The following SHISA9 variants were observed in gnomAD, a reference collection of about 807,000 sequenced individuals.
SHISA9 encodes the protein protein shisa-9.
In SHISA9, 13 loss-of-function variants were observed where a neutral mutation model predicts 38.0. The observed-to-expected ratio is 0.34, with a 90% CI of 0.22 to 0.54. The LOEUF (loss-of-function observed/expected upper bound fraction) is 0.54, where lower values mean the gene tolerates loss of function less well. SHISA9 is among the 20% of genes least tolerant of loss of function. The pLI is 0.91. For synonymous variants in SHISA9, 275 were observed against 242.0 expected (o/e 1.14, Z -1.27); for missense variants, 538 against 575.8 (o/e 0.93, Z 0.67).
At chr16:13,181,479 A>G (rs971490333) in intron 2 of SHISA9, among the ~76,000 whole-genome samples, 2 of 151,866 alleles carry the variant, frequency 1.3e-5, no homozygotes, top group African/African-American at 4.8e-5. Context: ...GCTGGGGGAT[A>G]GAGATCAATG....
chr16:13,157,304 A>C (rs1355511047), intron 2 of SHISA9, among the ~76,000 whole-genome samples: 3 of 152,192 alleles, frequency 2.0e-5, no homozygotes, highest in Admixed American at 6.5e-5. Flanking sequence ...GCTTCGCACT[A>C]ATATATGTGA....
At chr16:13,124,142 A>T (rs2050237005) in intron 2 of SHISA9, among the ~76,000 whole-genome samples, 1 of 152,186 alleles carries the variant, frequency 6.6e-6, no homozygotes, top group African/African-American at 2.4e-5. Context: ...TATTAATAGA[A>T]ACTGTGTTCC....
At chr16:13,075,317 G>A (rs1421424513) in intron 2 of SHISA9, among the ~76,000 whole-genome samples, 6 of 152,178 alleles carry the variant, frequency 3.9e-5, no homozygotes, top group Non-Finnish European at 2.9e-5. Context: ...GTGATCTCTA[G>A]CACCTGGTGT....
chr16:13,562,899 A>C, the SHISA9 span: 3 of 152,094 alleles, frequency 2.0e-5, no homozygotes, highest in African/African-American at 7.2e-5. Context: ...GAAACCAAAA[A>C]ATAAAAATTA....
the SHISA9 span, among the ~76,000 whole-genome samples, chr16:13,374,101 G>A: frequency 1.3e-5 from 2 of 152,070 alleles, no homozygotes; most frequent in Non-Finnish European, 1.5e-5. Context: ...CTCTCATCAC[G>A]TTGGCCAGCA....
chr16:13,506,643 T>G, the SHISA9 span, among the ~76,000 whole-genome samples: 183 of 152,194 alleles, frequency 1.2e-3, no homozygotes, highest in Admixed American at 2.1e-3. Flanking sequence ...ACAAAGAGGA[T>G]GGAGCGCCTG....
At chr16:13,341,413 AC>A in the SHISA9 span, among the ~76,000 whole-genome samples, 5 of 152,002 alleles carry the variant, frequency 3.3e-5, no homozygotes, top group Admixed American at 2.6e-4. Flanking sequence ...ACCCAATAAA[AC>A]CTTTCATGCT....
chr16:13,472,198 G>C, the SHISA9 span, among the ~76,000 whole-genome samples: 1 of 151,934 alleles, frequency 6.6e-6, no homozygotes, highest in Admixed American at 6.6e-5. Flanking sequence ...ACCCACCCTT[G>C]CTTATTCTAA....
intron 2 of SHISA9, among the ~76,000 whole-genome samples, chr16:12,981,894 C>G (rs764391628): frequency 1.3e-5 from 2 of 152,160 alleles, no homozygotes; most frequent in Admixed American, 6.5e-5. Flanking sequence ...ATCTACAAGT[C>G]AAGAAGAGAG....
At chr16:13,201,591 C>T (rs2051006373) in intron 2 of SHISA9, among the ~76,000 whole-genome samples, 1 of 133,112 alleles carries the variant, frequency 7.5e-6, no homozygotes, top group Non-Finnish European at 1.6e-5. Context: ...AGACTGATGG[C>T]CTATGTAGTC....
chr16:13,337,335 GA>G, the SHISA9 span, among the ~76,000 whole-genome samples: 2 of 152,106 alleles, frequency 1.3e-5, no homozygotes, highest in Admixed American at 1.3e-4. Context: ...TTTATAAAGG[GA>G]AACCCCTTTC....
intron 2 of SHISA9, among the ~76,000 whole-genome samples, chr16:13,019,968 T>TTTCCTTCGTTCCTTCCTTCC (rs1555455228): frequency 3.7e-4 from 16 of 43,234 alleles, no homozygotes; most frequent in Non-Finnish European, 5.0e-4. Context: ...TCCCTCCTTC[T>TTTCCTTCGTTCCTTCCTTCC]TTCCTTCCTT....
intron 3 of SHISA9, among the ~76,000 whole-genome samples, chr16:13,210,740 C>CT (rs1397735787): frequency 6.6e-6 from 1 of 152,180 alleles, no homozygotes; most frequent in Non-Finnish European, 1.5e-5. Context: ...CAGTACCCCC[C>CT]GTTTTGCAGA....
At position 12,988,670 on chromosome 16, in the gene SHISA9, G is replaced by A. The variant is rs547928077; in HGVS notation, c.691+71855G>A. Reference sequence around the variant, plus strand: ...CACCCGAGTAGCTGAGATTATAGGCGCCCCCCAACCATGCCCGACTATTTT... The same window carrying A: ...CACCCGAGTAGCTGAGATTATAGGCACCCCCCAACCATGCCCGACTATTTT... On this transcript the variant is annotated intron_variant, in intron 2 of 4. Coordinates refer to ENST00000558583, the MANE Select transcript of SHISA9 (RefSeq NM_001145204.3). Among the ~76,000 whole-genome samples, 37 of 151,776 alleles carry A rather than the reference G, an allele frequency of 2.4e-4. No individual in the cohort carries two copies. In the East Asian group the frequency reaches 5.6e-3, roughly 23 times the overall value.
the SHISA9 span, among the ~76,000 whole-genome samples, chr16:13,339,774 C>T: frequency 8.5e-5 from 13 of 152,248 alleles, no homozygotes; most frequent in Non-Finnish European, 1.6e-4. Flanking sequence ...CCTGCTCAAA[C>T]GACTTAACTC....
rs141949543 is a variant in SHISA9, at chr16:13,218,844, T to C, written c.895+5544T>C. On this transcript the variant is annotated intron_variant, in intron 4 of 4. Coordinates refer to ENST00000558583, the MANE Select transcript of SHISA9 (RefSeq NM_001145204.3). The stretch of plus-strand genomic sequence containing the variant: ...AATGTGCAATAGGGTTACAGTTCCA[T>C]TGGAGTGCATGCATCCTATAGACCA... 7.3e-3 allele frequency among the ~76,000 whole-genome samples: 1,107 copies of C among 152,310 alleles called. 10 individuals carry two copies. Among genetic ancestry groups the C allele is most frequent in the Non-Finnish European group, 8.3e-3 (563 of 68,024 alleles).
At chr16:13,450,773 T>C in the SHISA9 span, among the ~76,000 whole-genome samples, 6 of 144,306 alleles carry the variant, frequency 4.2e-5, no homozygotes, top group Non-Finnish European at 7.6e-5. Flanking sequence ...TGTTGTTGTT[T>C]TGTTGTTGTT....
intron 2 of SHISA9, among the ~76,000 whole-genome samples, chr16:13,028,858 G>C (rs1369581410): frequency 5.9e-5 from 9 of 152,166 alleles, no homozygotes; most frequent in African/African-American, 1.7e-4. Context: ...GTCAGGATTA[G>C]ATCATGTTCT....
At position 13,219,078 on chromosome 16, in the gene SHISA9, A is replaced by G. The variant is rs2051198045; in HGVS notation, c.895+5778A>G. On this transcript the variant is annotated intron_variant, in intron 4 of 4. Coordinates refer to ENST00000558583, the MANE Select transcript of SHISA9 (RefSeq NM_001145204.3). ...CTGAGTTCAGTCCCCTTTGAAAAGC[A>G]CACAGCAAGTGCTGGGATTTTGATG... Among the ~76,000 whole-genome samples, 4 of 152,218 alleles carry G rather than the reference A, an allele frequency of 2.6e-5. No homozygotes were observed. In the South Asian group the frequency reaches 8.3e-4, roughly 32 times the overall value.
Sources: gnomAD v4.1 joint callset for allele counts (sites outside exome capture counted in the v4.1 genomes callset) on GRCh38, gnomAD v4.1.1 for gene constraint, MANE v1.5 for transcripts, NCBI Gene and HGNC (gene_info 2026-07-23, HGNC 2026-07-21) for gene names.